The following BSCL2 variants were observed in gnomAD, a reference collection of about 807,000 sequenced individuals.
BSCL2 encodes BSCL2 lipid droplet biogenesis associated, seipin, also known as seipin.
A neutral mutation model predicts 57.4 loss-of-function variants in BSCL2; 41 were observed. The observed-to-expected ratio is 0.71, with a 90% CI of 0.56 to 0.93. The LOEUF (loss-of-function observed/expected upper bound fraction) is 0.93, where lower values mean the gene tolerates loss of function less well. Ranked by LOEUF, BSCL2 falls within the 40% of genes least tolerant of loss-of-function variation. The probability of loss-of-function intolerance (pLI) is 0.00; values close to 1 mark genes in which losing one functional copy is unlikely to be tolerated. For synonymous variants in BSCL2, 237 were observed against 227.3 expected (o/e 1.04, Z -0.38); for missense variants, 539 against 586.7 (o/e 0.92, Z 0.84).
rs1202515877 is a variant in BSCL2, at chr11:62,705,635, G to A, written c.88-18C>T. ...GGTGGTTCCTGGAAAGAGAGGGTGA[G>A]GGAAAAGAGTGACTCCTTTCCCCAG... On this transcript the variant is annotated intron_variant, in intron 1 of 10. Coordinates refer to ENST00000360796, the MANE Select transcript of BSCL2 (RefSeq NM_001122955.4). 6.7e-7 allele frequency: 1 copy of A among 1,491,368 alleles called. No homozygotes were observed. Among genetic ancestry groups the A allele is most frequent in the Non-Finnish European group, 9.0e-7 (1 of 1,115,548 alleles). The allele number at this position is 1,491,368 out of a possible 1,614,324, so 92.4% of individuals were successfully genotyped here. A position where few individuals can be genotyped will look rare whatever the true frequency, so the allele number is the denominator to read the frequency against.
At chr11:62,703,473 C>G (rs1945710350) in intron 2 of BSCL2, among the ~76,000 whole-genome samples, 1 of 150,658 alleles carries the variant, frequency 6.6e-6, no homozygotes, top group Admixed American at 6.7e-5. Flanking sequence ...CTGCCTCAGC[C>G]TCTCAAGTAG....
intron 2 of BSCL2, 139 bp downstream of exon 2, chr11:62,705,162 C>G: frequency 2.3e-6 from 2 of 885,912 alleles, no homozygotes; most frequent in Non-Finnish European, 3.5e-6. Flanking sequence ...TAGCCTTGGG[C>G]TGTGAAAGTT....
chr11:62,707,244 T>C lies in BSCL2; in HGVS notation c.-49A>G, dbSNP rs1257459352. ...TCTGGATCTTCCACTGAGTCACTTG[T>C]GGCTAAAACGTGAAGTGGCGATCCA... is the stretch of plus-strand genomic sequence containing the variant. On this transcript the variant is annotated 5_prime_UTR_variant, in exon 1 of 11. Transcript: ENST00000360796. 4.6e-6 allele frequency: 7 copies of C among 1,510,796 alleles called. No individual in the cohort carries two copies. The highest frequency in any genetic ancestry group is 1.7e-4 in the Middle Eastern group (1 of 5,928). 93.6% of individuals were successfully genotyped at this position (1,510,796 alleles called of 1,614,324 possible). A position where few individuals can be genotyped will look rare whatever the true frequency, so the allele number is the denominator to read the frequency against.
chr11:62,703,822 T>C (rs563609785), intron 2 of BSCL2, among the ~76,000 whole-genome samples: 21 of 151,610 alleles, frequency 1.4e-4, no homozygotes, highest in Admixed American at 7.9e-4. Context: ...CAACCACTGT[T>C]AAGAAAAGAG....
At chr11:62,709,071 G>C (rs1245511252), upstream of BSCL2, 2 of 494,550 alleles carry the variant, frequency 4.0e-6, no homozygotes, top group African/African-American at 3.9e-5. Context: ...CTCTGCCAGC[G>C]CGTCCTGCCC....
At chr11:62,704,369 TAAAAAAAAAAA>T (rs71056549) in intron 2 of BSCL2, among the ~76,000 whole-genome samples, 2 of 81,746 alleles carry the variant, frequency 2.4e-5, no homozygotes, top group South Asian at 8.9e-4. Context: ...CCATCTCTAC[TAAAAAAAAAAA>T]AAAAAAAAAA....
intron 3 of BSCL2, among the ~76,000 whole-genome samples, chr11:62,701,675 C>CA (rs1238062681): frequency 3.3e-5 from 5 of 151,818 alleles, no homozygotes; most frequent in African/African-American, 1.2e-4. Flanking sequence ...ACTAAAAATA[C>CA]AAAAAAATTA....
chr11:62,704,171 G>A (rs113250001), intron 2 of BSCL2, among the ~76,000 whole-genome samples: 3,724 of 151,058 alleles, frequency 0.025, 64 homozygotes, highest in Non-Finnish European at 0.038. Flanking sequence ...CCTTGGTGGG[G>A]CACAGTGGCT....
intron 1 of BSCL2, 29 bp from the exon 2 acceptor site, chr11:62,705,646 G>T: frequency 6.8e-7 from 1 of 1,478,212 alleles, no homozygotes; most frequent in South Asian, 1.4e-5. Flanking sequence ...GGAAAAGAGT[G>T]ACTCCTTTCC....
At chr11:62,702,086 G>A (rs1945659971) in intron 3 of BSCL2, among the ~76,000 whole-genome samples, 1 of 138,676 alleles carries the variant, frequency 7.2e-6, no homozygotes, top group African/African-American at 2.7e-5. Context: ...TTTTTTTTAA[G>A]ACAGAGCTTC....
At chr11:62,708,590 G>C, upstream of BSCL2, 20 of 1,565,328 alleles carry the variant, frequency 1.3e-5, no homozygotes, top group Middle Eastern at 3.8e-4. Flanking sequence ...GAGCCCTGGA[G>C]ATGGCAAAAG....
chr11:62,698,895 A>G (rs560874803), intron 3 of BSCL2, among the ~76,000 whole-genome samples: 1 of 152,038 alleles, frequency 6.6e-6, no homozygotes, highest in East Asian at 1.9e-4. Context: ...CAATAAAGTC[A>G]TTTATTATTA....
intron 3 of BSCL2, 152 bp from the exon 4 acceptor site, chr11:62,694,863 A>G (rs1459538457): frequency 1.1e-6 from 1 of 937,010 alleles, no homozygotes; most frequent in Non-Finnish European, 1.7e-6. Context: ...CTGTCATCCC[A>G]AGAAGGTGCT....
At chr11:62,708,614 G>A (rs2083582782), upstream of BSCL2, 1 of 1,596,468 alleles carries the variant, frequency 6.3e-7, no homozygotes, top group Non-Finnish European at 8.6e-7. Context: ...ACCCATTTGG[G>A]GAGGGAGGCT....
rs983264084 is a variant in BSCL2 at position 62,702,643 on chromosome 11, TCC to T, written c.405-96_405-95del. ...CCCCTAGGGCTCCCTCCTGCCCTCC[TCC>T]CTTCTCTCAGAACAGGCACCCTTCT... On this transcript the variant is annotated intron_variant, in intron 2 of 10. Transcript: ENST00000360796. The T allele has an allele frequency of 2.1e-5, 21 of 1,000,324 alleles. No individual in the cohort carries two copies. In the African/African-American group the frequency reaches 2.9e-4, roughly 14 times the overall value. The allele number at this position is 1,000,324 out of a possible 1,614,324, so 62.0% of individuals were successfully genotyped here. A position where few individuals can be genotyped will look rare whatever the true frequency, so the allele number is the denominator to read the frequency against.
intron 4 of BSCL2, among the ~76,000 whole-genome samples, chr11:62,694,019 G>A (rs1271887783): frequency 6.6e-6 from 1 of 151,036 alleles, no homozygotes; most frequent in Non-Finnish European, 1.5e-5. Context: ...TCTCCATGTT[G>A]GTCAGGCTGG....
At chr11:62,694,480 T>C (rs1945396791) in intron 4 of BSCL2, 88 bp downstream of exon 4, 1 of 1,591,918 alleles carries the variant, frequency 6.3e-7, no homozygotes, top group East Asian at 2.2e-5. Context: ...GCTGGGATTA[T>C]AGGCCTGAGC....
At chr11:62,706,495 C>G (rs574944387) in intron 1 of BSCL2, 7 of 409,606 alleles carry the variant, frequency 1.7e-5, no homozygotes, top group South Asian at 1.1e-4. Context: ...GTTACCGTGA[C>G]CAAAGGGGAA....
intron 2 of BSCL2, among the ~76,000 whole-genome samples, chr11:62,702,901 A>G (rs572465941): frequency 1.3e-5 from 2 of 152,230 alleles, no homozygotes; most frequent in South Asian, 4.1e-4. Flanking sequence ...CTGTAATCCC[A>G]GCACTTTTGG....
Sources: gnomAD v4.1 joint callset for allele counts (sites outside exome capture counted in the v4.1 genomes callset) on GRCh38, gnomAD v4.1.1 for gene constraint, MANE v1.5 for transcripts, NCBI Gene and HGNC (gene_info 2026-07-23, HGNC 2026-07-21) for gene names.